The following RHBDD1 variants were observed in gnomAD, a reference collection of about 807,000 sequenced individuals.
RHBDD1 encodes rhomboid-related protein 4.
Under a neutral mutation model 36.3 loss-of-function variants are expected in RHBDD1, and 38 were observed. The observed-to-expected ratio is 1.05, with a 90% confidence interval of 0.81 to 1.37. RHBDD1 has a LOEUF of 1.37. Ranked by LOEUF, RHBDD1 falls within the 40% of genes most tolerant of loss-of-function variation. RHBDD1 has a pLI of 0.00. For synonymous variants in RHBDD1, 151 were observed against 136.5 expected (o/e 1.11, Z -0.74); for missense variants, 393 against 377.6 (o/e 1.04, Z -0.34).
chr2:226,876,252 G>A (rs1220641878), intron 5 of RHBDD1, among the ~76,000 whole-genome samples: 1 of 152,174 alleles, frequency 6.6e-6, no homozygotes, highest in African/African-American at 2.4e-5. Flanking sequence ...ATAAAGATTT[G>A]CAGAATTGGT....
intron 5 of RHBDD1, among the ~76,000 whole-genome samples, chr2:226,883,610 T>G (rs1945963361): frequency 6.6e-6 from 1 of 152,210 alleles, no homozygotes; most frequent in Non-Finnish European, 1.5e-5. Flanking sequence ...ATTGTGGGTG[T>G]GTGGATGATA....
At chr2:226,890,568 G>A (rs1487829483) in intron 5 of RHBDD1, among the ~76,000 whole-genome samples, 1 of 152,112 alleles carries the variant, frequency 6.6e-6, no homozygotes, top group Non-Finnish European at 1.5e-5. Context: ...GAGAGATTGA[G>A]GCCTGCTGGA....
At chr2:226,806,126 G>C in the RHBDD1 span, among the ~76,000 whole-genome samples, 1 of 148,638 alleles carries the variant, frequency 6.7e-6, no homozygotes. Context: ...TCACTCCAAG[G>C]TTCTTTATTT....
Position 226,863,052 on chromosome 2 carries a change from G to A in RHBDD1, c.-90-1552G>A, listed in dbSNP as rs566339087. On this transcript the variant is annotated intron_variant, in intron 3 of 8. Coordinates refer to ENST00000392062, the MANE Select transcript of RHBDD1 (RefSeq NM_001167608.3). ...GGCTCTACTTCCAATACTGGGGATC[G>A]GATTTCAACATGAGGCCGGGCCTAG... 2.2e-4 allele frequency among the ~76,000 whole-genome samples: 34 copies of A among 152,290 alleles called. No homozygotes were observed. In the South Asian group the frequency reaches 2.5e-3, roughly 11 times the overall value.
chr2:226,896,817 T>C (rs1482132643), intron 5 of RHBDD1, among the ~76,000 whole-genome samples: 1 of 152,082 alleles, frequency 6.6e-6, no homozygotes, highest in African/African-American at 2.4e-5. Context: ...AAAAATTTTT[T>C]TTTTGAGGCA....
intron 5 of RHBDD1, among the ~76,000 whole-genome samples, chr2:226,874,373 T>G (rs1945039700): frequency 6.6e-6 from 1 of 152,144 alleles, no homozygotes; most frequent in African/African-American, 2.4e-5. Context: ...CTTTATTAGT[T>G]TCTTATTGTT....
intron 5 of RHBDD1, among the ~76,000 whole-genome samples, chr2:226,893,170 G>A (rs895823920): frequency 2.6e-5 from 4 of 152,170 alleles, no homozygotes; most frequent in Non-Finnish European, 5.9e-5. Flanking sequence ...ATAGGGCCAT[G>A]GAATTTCTAG....
intron 8 of RHBDD1, among the ~76,000 whole-genome samples, chr2:226,984,163 G>A (rs1956411808): frequency 6.6e-6 from 1 of 152,256 alleles, no homozygotes; most frequent in Admixed American, 6.5e-5. Context: ...CCCAGCAGCT[G>A]TGACAGCCAG....
intron 7 of RHBDD1, among the ~76,000 whole-genome samples, chr2:226,911,068 G>A (rs956348067): frequency 1.3e-5 from 2 of 152,088 alleles, no homozygotes; most frequent in African/African-American, 4.8e-5. Context: ...TTTAAAATAA[G>A]AAATAGCATG....
At chr2:226,872,550 G>GT (rs776129549) in intron 5 of RHBDD1, among the ~76,000 whole-genome samples, 7 of 151,864 alleles carry the variant, frequency 4.6e-5, no homozygotes, top group Non-Finnish European at 1.5e-5. Context: ...CTCTATCAAT[G>GT]TTTTTTTTAC....
At chr2:226,871,510 C>CA (rs1332640414) in intron 5 of RHBDD1, among the ~76,000 whole-genome samples, 1 of 152,158 alleles carries the variant, frequency 6.6e-6, no homozygotes, top group Non-Finnish European at 1.5e-5. Flanking sequence ...AACCAGGATC[C>CA]AAAATTCATA....
At position 226,912,880 on chromosome 2, in the gene RHBDD1, G is replaced by A. The variant is rs569280086; in HGVS notation, c.713-1328G>A. On this transcript the variant is annotated intron_variant, in intron 7 of 8. Transcript: ENST00000392062. Reference sequence around the variant, plus strand: ...ATGTCAATTATATATCAATAAAGCTGTTCTAAAAATATCAATAGACACAAC... The same window carrying A: ...ATGTCAATTATATATCAATAAAGCTATTCTAAAAATATCAATAGACACAAC... Among the ~76,000 whole-genome samples, 8 of 152,198 alleles carry A rather than the reference G, an allele frequency of 5.3e-5. No homozygotes were observed. The South Asian group carries it at 1.7e-3, about 32-fold the overall frequency.
At chr2:226,906,271 A>C (rs905162941) in intron 5 of RHBDD1, among the ~76,000 whole-genome samples, 2 of 152,156 alleles carry the variant, frequency 1.3e-5, no homozygotes, top group Non-Finnish European at 2.9e-5. Flanking sequence ...CATGAAGACA[A>C]CTTTGGTGGA....
chr2:226,988,606 C>A, intron 8 of RHBDD1: 1 of 1,359,636 alleles, frequency 7.4e-7, no homozygotes, highest in Non-Finnish European at 9.5e-7. Flanking sequence ...GGGGCTCCAG[C>A]TGCCCCTCCG....
chr2:226,821,648 ACTT>A, the RHBDD1 span, among the ~76,000 whole-genome samples: 1 of 151,136 alleles, frequency 6.6e-6, no homozygotes. Context: ...GCTTCTGACT[ACTT>A]CTTGGTCCTG....
chr2:226,975,016 G>C (rs572532280), intron 8 of RHBDD1, among the ~76,000 whole-genome samples: 11 of 152,158 alleles, frequency 7.2e-5, no homozygotes, highest in African/African-American at 2.4e-4. Context: ...TCCTTGGTAC[G>C]TGGAGAGAAC....
intron 5 of RHBDD1, among the ~76,000 whole-genome samples, chr2:226,870,262 T>A (rs1201364618): frequency 6.6e-6 from 1 of 152,254 alleles, no homozygotes; most frequent in East Asian, 1.9e-4. Flanking sequence ...TAAGGTGTCA[T>A]ATGCGAATGA....
Position 226,840,595 on chromosome 2 carries a change from G to T in RHBDD1, c.-91+968G>T, listed in dbSNP as rs182922336. On this transcript the variant is annotated intron_variant, in intron 3 of 8. Coordinates refer to ENST00000392062, the MANE Select transcript of RHBDD1 (RefSeq NM_001167608.3). ...TGGATAAAGAAACAGAAGCTCTACAGTACTGGTTGTATGATTTGCCCAAGG... is the reference window on the plus strand; with the variant it reads ...TGGATAAAGAAACAGAAGCTCTACATTACTGGTTGTATGATTTGCCCAAGG... 1.4e-4 allele frequency among the ~76,000 whole-genome samples: 21 copies of T among 152,276 alleles called. 1 individual carries two copies. The East Asian group carries it at 1.7e-3, about 13-fold the overall frequency.
At chr2:226,936,968 G>C (rs1339609067) in intron 8 of RHBDD1, among the ~76,000 whole-genome samples, 1 of 152,040 alleles carries the variant, frequency 6.6e-6, no homozygotes, top group South Asian at 2.1e-4. Flanking sequence ...ATCAATATGT[G>C]ACATTCTCTA....
Sources: allele counts gnomAD v4.1 joint callset (sites outside exome capture counted in the v4.1 genomes callset), GRCh38; gene constraint gnomAD v4.1.1; transcripts MANE v1.5; gene names NCBI Gene and HGNC (gene_info 2026-07-23, HGNC 2026-07-21).